Variants in PTPRT observed in about 807,000 individuals in gnomAD.
PTPRT encodes the protein receptor-type tyrosine-protein phosphatase T.
A neutral mutation model predicts 176.8 loss-of-function variants in PTPRT; 56 were observed. That is an observed-to-expected ratio of 0.32 (90% CI 0.26 to 0.40). The LOEUF (loss-of-function observed/expected upper bound fraction) is 0.40. Among genes scored for constraint, PTPRT ranks in the 10% least tolerant of loss-of-function variants. PTPRT has a pLI of 1.00. For missense variants in PTPRT, 1,540 were observed against 1,908.2 expected (o/e 0.81, Z 3.60); for synonymous variants, 783 against 739.0 (o/e 1.06, Z -0.96).
At chr20:42,858,496 G>A (rs77958948) in intron 2 of PTPRT, among the ~76,000 whole-genome samples, 2,761 of 152,274 alleles carry the variant, frequency 0.018, 36 homozygotes, top group Non-Finnish European at 0.026. Context: ...TAAGCGATGA[G>A]GACTTTGGGG....
intron 5 of PTPRT, among the ~76,000 whole-genome samples, chr20:42,771,162 C>T (rs2077056408): frequency 6.6e-6 from 1 of 152,158 alleles, no homozygotes; most frequent in Non-Finnish European, 1.5e-5. Context: ...TCCCGCCAGA[C>T]AAGTCCCAGG....
chr20:42,324,158 T>C lies in PTPRT; in HGVS notation c.1866-8162A>G, dbSNP rs1160372929. ...TGGTGAATGGGTAAACAATATGTGGTATATCTATGCAATAGAATATTATTC... is the reference window on the plus strand; with the variant it reads ...TGGTGAATGGGTAAACAATATGTGGCATATCTATGCAATAGAATATTATTC... On this transcript the variant is annotated intron_variant, in intron 11 of 30. Transcript: ENST00000373187. Among the ~76,000 whole-genome samples, 6 of 152,224 alleles carry C rather than the reference T, an allele frequency of 3.9e-5. No individual in the cohort carries two copies. The East Asian group carries it at 9.6e-4, about 24-fold the overall frequency.
rs114022963 is a variant in PTPRT at position 42,535,519 on chromosome 20, G to A, written c.1154-62957C>T. Among the ~76,000 whole-genome samples, 321 of 152,268 alleles carry A rather than the reference G, an allele frequency of 2.1e-3. 3 individuals are homozygous for A. The highest frequency in any genetic ancestry group is 0.01 in the Middle Eastern group (3 of 294). ...GATGTAAGTTGGTAGAGCCACTTAG[G>A]AGAAAAATTTGGCAAGACCTATATC... On this transcript the variant is annotated intron_variant, in intron 7 of 30. Transcript: ENST00000373187.
rs117308819 is a variant in PTPRT, at chr20:42,739,819, G to A, written c.859+16643C>T. ...ACCAATCAGCCCTAACACTTCATGC[G>A]GCCAACTCCCTTCCTGCTCTATTAC... is the stretch of plus-strand genomic sequence containing the variant. On this transcript the variant is annotated intron_variant, in intron 6 of 30. Coordinates refer to ENST00000373187, the MANE Select transcript of PTPRT (RefSeq NM_007050.6). Among the ~76,000 whole-genome samples the A allele has an allele frequency of 9.5e-4, 144 of 152,244 alleles. No homozygotes were observed. The East Asian group carries it at 0.026, about 28-fold the overall frequency.
intron 9 of PTPRT, among the ~76,000 whole-genome samples, chr20:42,404,026 C>A (rs1051294264): frequency 6.6e-6 from 1 of 152,158 alleles, no homozygotes; most frequent in Admixed American, 6.5e-5. Flanking sequence ...TCAACAGAAG[C>A]CCTGGACTCA....
chr20:43,026,836 G>A (rs1985933396), intron 1 of PTPRT, among the ~76,000 whole-genome samples: 1 of 152,118 alleles, frequency 6.6e-6, no homozygotes, highest in South Asian at 2.1e-4. Flanking sequence ...TGGTCTTTCT[G>A]TCTCTGGGCT....
intron 2 of PTPRT, among the ~76,000 whole-genome samples, chr20:42,842,849 G>A (rs1275300851): frequency 6.6e-6 from 1 of 152,218 alleles, no homozygotes; most frequent in African/African-American, 2.4e-5. Flanking sequence ...AGCAGGAACA[G>A]AGGGGGTCCC....
chr20:42,709,821 A>G (rs1327796103), intron 6 of PTPRT, among the ~76,000 whole-genome samples: 1 of 152,236 alleles, frequency 6.6e-6, no homozygotes, highest in Non-Finnish European at 1.5e-5. Flanking sequence ...GCTGATAGAA[A>G]TACGGACAGT....
intron 1 of PTPRT, among the ~76,000 whole-genome samples, chr20:43,023,637 A>T (rs1448440473): frequency 6.6e-6 from 1 of 152,208 alleles, no homozygotes; most frequent in Non-Finnish European, 1.5e-5. Flanking sequence ...TGTTTAGAGA[A>T]GAGGCAGAGA....
chr20:43,101,489 T>C (rs145914529), intron 1 of PTPRT, among the ~76,000 whole-genome samples: 38 of 152,240 alleles, frequency 2.5e-4, no homozygotes, highest in African/African-American at 8.7e-4. Context: ...AGGATTTTAA[T>C]GCGTACCTCA....
chr20:42,574,026 C>T (rs181838933), intron 7 of PTPRT, among the ~76,000 whole-genome samples: 1 of 152,096 alleles, frequency 6.6e-6, no homozygotes, highest in African/African-American at 2.4e-5. Flanking sequence ...GGATTACAGG[C>T]GTGAGCCACC....
intron 14 of PTPRT, among the ~76,000 whole-genome samples, chr20:42,247,001 A>T (rs1381818701): frequency 2.6e-5 from 4 of 152,220 alleles, no homozygotes; most frequent in Non-Finnish European, 4.4e-5. Context: ...AGTCACTGGG[A>T]CATATAATGT....
intron 7 of PTPRT, among the ~76,000 whole-genome samples, chr20:42,481,190 T>C (rs1254426659): frequency 6.6e-6 from 1 of 152,152 alleles, no homozygotes; most frequent in East Asian, 1.9e-4. Context: ...TAAATGTTTA[T>C]TTACAAAAAG....
intron 7 of PTPRT, among the ~76,000 whole-genome samples, chr20:42,491,882 C>A (rs956688723): frequency 7.9e-5 from 12 of 152,084 alleles, no homozygotes; most frequent in African/African-American, 2.9e-4. Context: ...CTAATCTGTT[C>A]TCCATCTATA....
At chr20:42,285,631 T>C (rs895047458) in intron 12 of PTPRT, among the ~76,000 whole-genome samples, 1 of 151,746 alleles carries the variant, frequency 6.6e-6, no homozygotes, top group East Asian at 1.9e-4. Flanking sequence ...CACACAGGCA[T>C]GGCAAAGAAA....
chr20:42,110,235 A>T, intron 23 of PTPRT, 98 bp downstream of exon 23: 1 of 1,138,688 alleles, frequency 8.8e-7, no homozygotes, highest in Non-Finnish European at 1.2e-6. Context: ...TTTCTTTAGT[A>T]GAGACGAGGT....
At position 42,472,494 on chromosome 20, in the gene PTPRT, C is replaced by G. The variant is rs769639671; in HGVS notation, c.1222G>C (p.Glu408Gln). The G allele has an allele frequency of 2.5e-6, 4 of 1,614,108 alleles. No individual in the cohort carries two copies. Among genetic ancestry groups the G allele is most frequent in the Non-Finnish European group, 3.4e-6 (4 of 1,180,038 alleles). The change falls in exon 8 of 31, where the codon GAG becomes CAG. Residue 408 changes from glutamate (E) to glutamine (Q), a missense_variant. Around this residue, in one of 11 missense-constraint regions of PTPRT, gnomAD observed 273 missense variants for 432.1 expected, o/e 0.63. Transcript: ENST00000373187. ...CGGGTCACCGCGTAGCCGAAGGGCT[C>G]CCACTGCAGGGTCAGCTGCCGGGCT... ...IRARQLTLQW[E>Q]PFGYAVTRCH...
rs561119130 is a variant in PTPRT, at chr20:42,878,106, G to A, written c.214+7701C>T. Among the ~76,000 whole-genome samples the A allele has an allele frequency of 7.0e-4, 106 of 152,268 alleles. 1 individual carries two copies. The highest frequency in any genetic ancestry group is 2.4e-3 in the African/African-American group (100 of 41,560). On this transcript the variant is annotated intron_variant, in intron 2 of 30. Transcript: ENST00000373187. ...AATATATACATATGAAAACAAATTCGATAACTTCTATTGGAGATGAGCACA... is the reference window on the plus strand; with the variant it reads ...AATATATACATATGAAAACAAATTCAATAACTTCTATTGGAGATGAGCACA...
chr20:42,120,015 G>A, intron 19 of PTPRT, 44 bp from the exon 20 acceptor site: 1 of 1,553,932 alleles, frequency 6.4e-7, no homozygotes, highest in South Asian at 1.2e-5. Context: ...TGTTGTCAAA[G>A]CTTGCAAACA....
Sources: gnomAD v4.1 joint callset for allele counts (sites outside exome capture counted in the v4.1 genomes callset) on GRCh38, gnomAD v4.1.1 for gene constraint, gnomAD v4.1.1 regional missense constraint, MANE v1.5 for transcripts, NCBI Gene and HGNC (gene_info 2026-07-23, HGNC 2026-07-21) for gene names.